Variants in CALR3 observed in about 807,000 individuals in gnomAD.
The protein encoded by CALR3 is calreticulin-3.
In CALR3, 39 loss-of-function variants were observed where a neutral mutation model predicts 48.7. The ratio of observed to expected loss-of-function variants is 0.80; its 90% CI spans 0.62 to 1.05. The LOEUF (loss-of-function observed/expected upper bound fraction) is 1.05. Among genes scored for constraint, CALR3 ranks in the 50% least tolerant of loss-of-function variants. The pLI, the probability that CALR3 is intolerant of heterozygous loss-of-function variation, is 0.00. For missense variants in CALR3, 449 were observed against 474.7 expected, an observed-to-expected ratio of 0.95 and a Z score of 0.50; for synonymous variants, 185 against 172.7, an observed-to-expected ratio of 1.07 and a Z score of -0.56.
Position 16,483,930 on chromosome 19 carries a change from C to A in CALR3, c.678G>T (p.Gln226His), listed in dbSNP as rs776696174. ...DWEQTKDNKA[Q>H]DWEKHFLDAS... ...AGAGTTGCCCAGGAAAAATTCACAC[C>A]TGGGCTTTGTTGTCTTTAGTCTGTT... The change falls in exon 5 of 9, where the codon CAG becomes CAT. Residue 226 changes from glutamine (Q) to histidine (H), a missense_variant and splice_region_variant. By Grantham distance (24) the Gln-to-His change is conservative. Coordinates refer to ENST00000269881, the MANE Select transcript of CALR3 (RefSeq NM_145046.5). 5.0e-6 allele frequency: 8 copies of A among 1,613,826 alleles called. No homozygotes were observed. Among genetic ancestry groups the A allele is most frequent in the Non-Finnish European group, 6.8e-6 (8 of 1,179,896 alleles).
chr19:16,494,460 C>G (rs1354748836), intron 2 of CALR3, among the ~76,000 whole-genome samples: 1 of 152,018 alleles, frequency 6.6e-6, no homozygotes, highest in Non-Finnish European at 1.5e-5. Flanking sequence ...CTCCCGGGTT[C>G]AAGTGATTCT....
chr19:16,493,432 T>C (rs2093400954), intron 2 of CALR3, among the ~76,000 whole-genome samples: 1 of 152,190 alleles, frequency 6.6e-6, no homozygotes, highest in African/African-American at 2.4e-5. Flanking sequence ...TCTATACAAA[T>C]GATCCCAAAC....
Position 16,480,427 on chromosome 19 carries a change from C to T in CALR3, c.1011+187G>A, listed in dbSNP as rs143709489. Among the ~76,000 whole-genome samples, 4,243 of 151,942 alleles carry T rather than the reference C, an allele frequency of 0.028. 144 individuals carry two copies. Among genetic ancestry groups the T allele is most frequent in the Admixed American group, 0.086 (1,304 of 15,210 alleles). On this transcript the variant is annotated intron_variant, in intron 8 of 8. Transcript: ENST00000269881. ...ATTAGCCGGACGTGGTGGCATGCGC[C>T]TGTAGTCCCAGCTACTTGGGAGTCT...
intron 7 of CALR3, among the ~76,000 whole-genome samples, chr19:16,481,939 C>T (rs1346046638): frequency 1.7e-5 from 2 of 115,152 alleles, no homozygotes; most frequent in Non-Finnish European, 3.3e-5. Flanking sequence ...CGGAGTCTTG[C>T]TCTGTCACCC....
intron 3 of CALR3, among the ~76,000 whole-genome samples, chr19:16,488,150 T>C (rs1974529426): frequency 6.6e-6 from 1 of 151,974 alleles, no homozygotes; most frequent in Non-Finnish European, 1.5e-5. Flanking sequence ...GGTTTCTCCA[T>C]GTTGGTCAAG....
At chr19:16,485,099 T>A in intron 4 of CALR3, 64 bp downstream of exon 4, 1 of 1,119,106 alleles carries the variant, frequency 8.9e-7, no homozygotes. Context: ...TTATCAAAAC[T>A]ATTTTTTCTA....
chr19:16,482,834 TTTG>T (rs567258292), intron 5 of CALR3, 49 bp from the exon 6 acceptor site: 62 of 1,513,004 alleles, frequency 4.1e-5, no homozygotes, highest in Non-Finnish European at 4.5e-5. Context: ...TGCTCATATA[TTTG>T]TTGTTGTTGC....
intron 1 of CALR3, 73 bp from the exon 2 acceptor site, chr19:16,495,925 A>T: frequency 1.3e-6 from 2 of 1,570,968 alleles, no homozygotes; most frequent in Non-Finnish European, 1.7e-6. Context: ...GGTGAAGGGG[A>T]CCCTCGAGGA....
intron 7 of CALR3, 128 bp from the exon 8 acceptor site, chr19:16,480,834 C>G (rs566528206): frequency 4.3e-4 from 328 of 754,246 alleles, no homozygotes; most frequent in Non-Finnish European, 6.6e-4. Context: ...GAGATGGGGT[C>G]TTGCTATGTT....
chr19:16,489,678 A>C (rs2093394809), intron 3 of CALR3, among the ~76,000 whole-genome samples: 1 of 151,568 alleles, frequency 6.6e-6, no homozygotes, highest in Admixed American at 6.6e-5. Context: ...GTATGGTGGC[A>C]CATGCCTGTA....
intron 2 of CALR3, among the ~76,000 whole-genome samples, chr19:16,491,401 C>A (rs926465528): frequency 6.7e-6 from 1 of 148,766 alleles, no homozygotes; most frequent in Non-Finnish European, 1.5e-5. Context: ...GGATTACAGG[C>A]GTGAGCCACC....
rs1599715644 is a variant in CALR3, at chr19:16,479,186, T to C, written c.1100A>G (p.Lys367Arg). Residue 367 changes from lysine (K) to arginine (R), a missense_variant, in exon 9 of 9, where the codon AAA (lysine) becomes AGA (arginine). Transcript: ENST00000269881. ...EEEEEELLSG[K>R]INRHEHYFNQ... ...GAAGTAATGTTCGTGCCTGTTAATTTTTCCCGACAGCAGCTCTTCCTCCTC... is the reference window on the plus strand; with the variant it reads ...GAAGTAATGTTCGTGCCTGTTAATTCTTCCCGACAGCAGCTCTTCCTCCTC... 3.7e-6 allele frequency: 6 copies of C among 1,614,020 alleles called. No individual in the cohort carries two copies. Among genetic ancestry groups the C allele is most frequent in the African/African-American group, 2.7e-5 (2 of 74,908 alleles).
At chr19:16,480,579 A>C in intron 8 of CALR3, 35 bp downstream of exon 8, 1 of 1,433,978 alleles carries the variant, frequency 7.0e-7, no homozygotes, top group Admixed American at 1.7e-5. Flanking sequence ...CAAATGAAAT[A>C]GTGATGTAGG....
intron 2 of CALR3, among the ~76,000 whole-genome samples, chr19:16,490,906 A>G (rs1285186577): frequency 2.0e-5 from 3 of 151,038 alleles, no homozygotes; most frequent in Non-Finnish European, 4.4e-5. Context: ...TACAACTACA[A>G]TTAGCCACCA....
At chr19:16,484,813 C>G (rs1276748763) in intron 4 of CALR3, among the ~76,000 whole-genome samples, 3 of 152,188 alleles carry the variant, frequency 2.0e-5, no homozygotes, top group Non-Finnish European at 4.4e-5. Flanking sequence ...CCACTGCACC[C>G]AGACATTTCT....
chr19:16,485,125 G>C, intron 4 of CALR3, 38 bp downstream of exon 4: 1 of 1,322,906 alleles, frequency 7.6e-7, no homozygotes, highest in Non-Finnish European at 1.1e-6. Flanking sequence ...AGTCTGGCAG[G>C]AGTTAACACT....
intron 7 of CALR3, 131 bp downstream of exon 7, chr19:16,482,319 C>T (rs1432635091): frequency 1.5e-6 from 2 of 1,316,286 alleles, no homozygotes; most frequent in Admixed American, 2.0e-5. Flanking sequence ...TTTGAGGCTA[C>T]AGTGAGCTAG....
intron 3 of CALR3, among the ~76,000 whole-genome samples, chr19:16,488,177 G>A (rs991934576): frequency 2.6e-5 from 4 of 152,056 alleles, no homozygotes; most frequent in East Asian, 1.9e-4. Context: ...TCGAACTCCC[G>A]ACCTAAGGTG....
Position 16,480,598 on chromosome 19 carries a change from A to C in CALR3, c.1011+16T>G. ...TGAAATAGTGATGTAGGAAGAGTTA[A>C]TCACGTGCTTCATACCTTGGTTTCG... On this transcript the variant is annotated intron_variant, in intron 8 of 8. Transcript: ENST00000269881. The C allele has an allele frequency of 1.9e-6, 3 of 1,555,742 alleles. No homozygotes were observed. Among genetic ancestry groups the C allele is most frequent in the Non-Finnish European group, 2.7e-6 (3 of 1,126,834 alleles).
Sources: allele counts gnomAD v4.1 joint callset (sites outside exome capture counted in the v4.1 genomes callset), GRCh38; gene constraint gnomAD v4.1.1; transcripts MANE v1.5; gene names NCBI Gene and HGNC (gene_info 2026-07-23, HGNC 2026-07-21).